The following HSD17B12 variants were observed in gnomAD, a reference collection of about 807,000 sequenced individuals.
HSD17B12 encodes hydroxysteroid 17-beta dehydrogenase 12.
Under a neutral mutation model 39.3 loss-of-function variants are expected in HSD17B12, and 32 were observed. The ratio of observed to expected loss-of-function variants is 0.81; its 90% CI spans 0.61 to 1.09. The LOEUF (loss-of-function observed/expected upper bound fraction) is 1.09, where lower values mean the gene tolerates loss of function less well. Ranked by LOEUF, HSD17B12 falls within the 50% of genes least tolerant of loss-of-function variation. The pLI, the probability that HSD17B12 is intolerant of heterozygous loss-of-function variation, is 0.00. For missense variants in HSD17B12, 342 were observed against 382.9 expected, an observed-to-expected ratio of 0.89 and a Z score of 0.89; for synonymous variants, 150 against 146.7, an observed-to-expected ratio of 1.02 and a Z score of -0.16.
intron 1 of HSD17B12, among the ~76,000 whole-genome samples, chr11:43,741,734 CTTTTTT>C (rs534584200): frequency 1.5e-5 from 2 of 130,498 alleles, no homozygotes; most frequent in Non-Finnish European, 1.7e-5. Flanking sequence ...TTTTCTTTTT[CTTTTTT>C]TTTTTTTTTT....
At chr11:43,593,377 G>A in the HSD17B12 span, among the ~76,000 whole-genome samples, 1 of 152,066 alleles carries the variant, frequency 6.6e-6, no homozygotes, top group Non-Finnish European at 1.5e-5. Context: ...TCAAAAATAG[G>A]TTACCGTCAA....
chr11:43,839,343 C>CAACTTATCT (rs1476103196), intron 8 of HSD17B12, among the ~76,000 whole-genome samples: 2 of 152,112 alleles, frequency 1.3e-5, no homozygotes, highest in Non-Finnish European at 2.9e-5. Context: ...TGAAGGGATT[C>CAACTTATCT]GTGAACTTCA....
chr11:43,678,647 A>C (rs549967700), upstream of HSD17B12, among the ~76,000 whole-genome samples: 115 of 152,184 alleles, frequency 7.6e-4, no homozygotes, highest in East Asian at 3.3e-3. Context: ...TCAGCTTCCT[A>C]CATATGGCTA....
chr11:43,829,602 A>G (rs1274697873), intron 6 of HSD17B12: 1 of 152,194 alleles, frequency 6.6e-6, no homozygotes, highest in Non-Finnish European at 1.5e-5. Flanking sequence ...TAAGAGAGCC[A>G]AACAGGCAGT....
the HSD17B12 span, among the ~76,000 whole-genome samples, chr11:43,647,089 A>G: frequency 6.6e-6 from 1 of 152,228 alleles, no homozygotes; most frequent in Non-Finnish European, 1.5e-5. Context: ...TCATTCAAAA[A>G]AGAAATGGAA....
intron 3 of HSD17B12, among the ~76,000 whole-genome samples, chr11:43,775,087 C>T (rs112052260): frequency 2.0e-5 from 3 of 152,042 alleles, no homozygotes; most frequent in East Asian, 1.9e-4. Context: ...AGTAAACTGC[C>T]GTCCTGTGGG....
chr11:43,684,414 A>T (rs1023844105), intron 1 of HSD17B12, among the ~76,000 whole-genome samples: 16 of 152,360 alleles, frequency 1.1e-4, no homozygotes, highest in Middle Eastern at 3.4e-3. Context: ...AAAAAATGTG[A>T]TCTGTAGAAT....
At chr11:43,835,879 A>C (rs575767920) in intron 7 of HSD17B12, among the ~76,000 whole-genome samples, 1 of 152,186 alleles carries the variant, frequency 6.6e-6, no homozygotes, top group African/African-American at 2.4e-5. Context: ...TGAATGTGAC[A>C]TTGGATAATT....
At chr11:43,850,427 G>A (rs191502759) in intron 9 of HSD17B12, among the ~76,000 whole-genome samples, 1 of 152,256 alleles carries the variant, frequency 6.6e-6, no homozygotes, top group African/African-American at 2.4e-5. Flanking sequence ...GCTCGGTAAA[G>A]GCAGATGTGA....
intron 3 of HSD17B12, chr11:43,755,305 ATCTGCTCTCCTG>A (rs1249451043): frequency 6.4e-6 from 1 of 155,276 alleles, no homozygotes; most frequent in Non-Finnish European, 1.4e-5. Context: ...CAAAAAAGAA[ATCTGCTCTCCTG>A]ATTGTTTCAT....
intron 9 of HSD17B12, among the ~76,000 whole-genome samples, chr11:43,847,774 A>G (rs1004654145): frequency 1.2e-4 from 18 of 150,106 alleles, no homozygotes; most frequent in African/African-American, 4.2e-4. Context: ...ACTACTTTCC[A>G]GTGCCTTTGT....
At chr11:43,769,237 T>A (rs1010375468) in intron 3 of HSD17B12, among the ~76,000 whole-genome samples, 1 of 152,254 alleles carries the variant, frequency 6.6e-6, no homozygotes, top group Non-Finnish European at 1.5e-5. Flanking sequence ...ACTGCCTCAC[T>A]GCCTTAAATA....
In HSD17B12 at chr11:43,817,013, T is replaced by G. The variant is rs1489988837; in HGVS notation, c.501+622T>G. ...ATATCTATATCTATATCTATATCTA[T>G]ATCTATATCTATATCTATATCTATA... On this transcript the variant is annotated intron_variant, in intron 6 of 10. Coordinates refer to ENST00000278353, the MANE Select transcript of HSD17B12 (RefSeq NM_016142.3). Among the ~76,000 whole-genome samples, 13 of 20,448 alleles carry G rather than the reference T, an allele frequency of 6.4e-4. 1 individual carries two copies. The highest frequency in any genetic ancestry group is 1.6e-3 in the African/African-American group (13 of 7,938). 13.4% of individuals were successfully genotyped at this position (20,448 alleles called of 152,430 possible).
At chr11:43,825,648 A>G (rs1841944704) in intron 6 of HSD17B12, among the ~76,000 whole-genome samples, 2 of 152,222 alleles carry the variant, frequency 1.3e-5, no homozygotes, top group Admixed American at 6.5e-5. Context: ...GTTAATAGCT[A>G]GTCTTTTAAT....
At chr11:43,773,899 T>G (rs530796029) in intron 3 of HSD17B12, among the ~76,000 whole-genome samples, 24 of 152,374 alleles carry the variant, frequency 1.6e-4, no homozygotes, top group Admixed American at 9.1e-4. Context: ...CCTTTTATGT[T>G]TTTAAGTTTA....
At chr11:43,691,087 C>A (rs139527165) in intron 1 of HSD17B12, among the ~76,000 whole-genome samples, 63 of 152,334 alleles carry the variant, frequency 4.1e-4, no homozygotes, top group African/African-American at 1.4e-3. Flanking sequence ...CTACTCTCCC[C>A]AGCGTGTTCT....
chr11:43,598,316 T>C, the HSD17B12 span, among the ~76,000 whole-genome samples: 4 of 152,116 alleles, frequency 2.6e-5, no homozygotes, highest in Admixed American at 6.5e-5. Context: ...GCCCCAGGTG[T>C]GTTAGATGCG....
chr11:43,558,073 C>T, the HSD17B12 span, among the ~76,000 whole-genome samples: 3 of 152,174 alleles, frequency 2.0e-5, no homozygotes, highest in South Asian at 4.1e-4. Context: ...TGGTTATCAA[C>T]AAGTGTTTCT....
chr11:43,815,257 A>C (rs1457628180), intron 4 of HSD17B12, among the ~76,000 whole-genome samples, 180 bp from the exon 5 acceptor site: 1 of 152,174 alleles, frequency 6.6e-6, no homozygotes, highest in Non-Finnish European at 1.5e-5. Context: ...AGAGACATTT[A>C]AGTTGGACTT....
Sources: gnomAD v4.1 joint callset for allele counts (sites outside exome capture counted in the v4.1 genomes callset) on GRCh38, gnomAD v4.1.1 for gene constraint, MANE v1.5 for transcripts, NCBI Gene and HGNC (gene_info 2026-07-23, HGNC 2026-07-21) for gene names.